The following GTF2IRD1 variants were observed in gnomAD, a reference collection of about 807,000 sequenced individuals.
GTF2IRD1 encodes the protein general transcription factor II-I repeat domain-containing protein 1.
Under a neutral mutation model 113.2 loss-of-function variants are expected in GTF2IRD1, and 26 were observed. The ratio of observed to expected loss-of-function variants is 0.23; its 90% confidence interval spans 0.17 to 0.32. The LOEUF is 0.32. Ranked by LOEUF, GTF2IRD1 falls within the 10% of genes least tolerant of loss-of-function variation. The pLI, the probability that GTF2IRD1 is intolerant of heterozygous loss-of-function variation, is 1.00. For missense variants in GTF2IRD1, 864 were observed against 1,280.8 expected (o/e 0.67, Z 4.97); for synonymous variants, 484 against 529.1 (o/e 0.91, Z 1.17).
intron 9 of GTF2IRD1, among the ~76,000 whole-genome samples, chr7:74,531,324 T>C (rs1797952327): frequency 1.3e-5 from 2 of 152,148 alleles, no homozygotes; most frequent in African/African-American, 4.8e-5. Context: ...TGAGCCAAGA[T>C]GGCACAACTG....
At chr7:74,574,221 C>G (rs1019569376) in intron 22 of GTF2IRD1, among the ~76,000 whole-genome samples, 1 of 138,708 alleles carries the variant, frequency 7.2e-6, no homozygotes, top group Non-Finnish European at 1.5e-5. Flanking sequence ...AGGCTGGTCT[C>G]GAACTCCTGA....
At chr7:74,580,173 C>T (rs1489824944) in intron 22 of GTF2IRD1, among the ~76,000 whole-genome samples, 2 of 152,036 alleles carry the variant, frequency 1.3e-5, no homozygotes, top group Admixed American at 1.3e-4. Context: ...TTTTCGAGAC[C>T]GGGTCTCACT....
intron 26 of GTF2IRD1, chr7:74,601,506 C>T (rs1802769105): frequency 1.2e-5 from 17 of 1,427,746 alleles, no homozygotes; most frequent in Non-Finnish European, 1.6e-5. Context: ...GGTGCAGTGG[C>T]TCACGCCTGT....
At chr7:74,601,422 G>A (rs1802763905) in intron 26 of GTF2IRD1, 1 of 1,473,562 alleles carries the variant, frequency 6.8e-7, no homozygotes. Context: ...CTGGGCAGAT[G>A]GGCCGGCTGA....
chr7:74,487,553 C>T (rs1305404103), intron 1 of GTF2IRD1: 1 of 152,088 alleles, frequency 6.6e-6, no homozygotes, highest in African/African-American at 2.4e-5. Flanking sequence ...TTTTTGCAAT[C>T]TCTAGGAAAT....
In GTF2IRD1 at chr7:74,583,581, C is replaced by CGTGAACCACCATGCCCAGGCT. The variant is rs1583955206; in HGVS notation, c.2321-6270_2321-6269insGTGAACCACCATGCCCAGGCT. Among the ~76,000 whole-genome samples the CGTGAACCACCATGCCCAGGCT allele has an allele frequency of 3.3e-5, 5 of 152,012 alleles. No individual in the cohort carries two copies. The East Asian group carries it at 9.7e-4, about 29-fold the overall frequency. ...TCAGGACGCCTCCCCAAACTGCCAG[C>CGTGAACCACCATGCCCAGGCT]CCCCTCAGCCAGCCCGGCCCCACTT... On this transcript the variant is annotated intron_variant, in intron 22 of 26. Transcript: ENST00000424337.
intron 22 of GTF2IRD1, among the ~76,000 whole-genome samples, chr7:74,570,052 C>T (rs1168974464): frequency 3.3e-5 from 5 of 152,024 alleles, no homozygotes; most frequent in Admixed American, 6.6e-5. Flanking sequence ...ATTGAGGCAG[C>T]GGTTTTCAAA....
At chr7:74,561,216 G>A (rs148586154) in intron 22 of GTF2IRD1, among the ~76,000 whole-genome samples, 13 of 151,996 alleles carry the variant, frequency 8.6e-5, no homozygotes, top group African/African-American at 3.1e-4. Flanking sequence ...AGGTGTGGTG[G>A]CGCACACCTG....
At chr7:74,544,365 T>C (rs1443296478) in intron 14 of GTF2IRD1, among the ~76,000 whole-genome samples, 6 of 152,158 alleles carry the variant, frequency 3.9e-5, no homozygotes, top group Non-Finnish European at 5.9e-5. Context: ...TTTGTATTTT[T>C]AGTAGAGACA....
chr7:74,548,432 A>T (rs1554353972), intron 17 of GTF2IRD1, among the ~76,000 whole-genome samples: 1 of 151,982 alleles, frequency 6.6e-6, no homozygotes, highest in African/African-American at 2.4e-5. Flanking sequence ...AAAAAAAAAA[A>T]AAAGTCCCTT....
chr7:74,490,861 G>C (rs1554336541), intron 1 of GTF2IRD1, among the ~76,000 whole-genome samples: 1 of 152,156 alleles, frequency 6.6e-6, no homozygotes, highest in East Asian at 1.9e-4. Flanking sequence ...ACCCAGGCCT[G>C]AGCTTTGCAG....
intron 1 of GTF2IRD1, among the ~76,000 whole-genome samples, chr7:74,463,693 C>G (rs1217227906): frequency 2.0e-5 from 3 of 151,404 alleles, no homozygotes; most frequent in Non-Finnish European, 4.4e-5. Flanking sequence ...CCTCCTGTGC[C>G]CCTTTGGGCC....
In GTF2IRD1 at chr7:74,512,754, CCA is replaced by C; in HGVS notation, c.124-74_124-73del. The C allele has an allele frequency of 7.0e-7, 1 of 1,434,082 alleles. No homozygotes were observed. The highest frequency in any genetic ancestry group is 1.4e-5 in the African/African-American group (1 of 71,644). The allele number at this position is 1,434,082 out of a possible 1,614,324, so 88.8% of individuals were successfully genotyped here. Reference sequence around the variant, plus strand: ...TCTCAGGCAGCTGGGAGCTCACATCCCACCCCCGAAGTGGATACTAGAGGTGT... The same window carrying C: ...TCTCAGGCAGCTGGGAGCTCACATCCCCCCCGAAGTGGATACTAGAGGTGT... On this transcript the variant is annotated intron_variant, in intron 2 of 26. Transcript: ENST00000424337. This position sits in a 1 kb window ranked among gnomAD's most constrained non-coding sequence, Gnocchi z 4.4.
chr7:74,540,032 G>T, intron 14 of GTF2IRD1, 64 bp downstream of exon 14: 1 of 1,209,982 alleles, frequency 8.3e-7, no homozygotes, highest in Non-Finnish European at 1.2e-6. Context: ...AAGGGAAAGG[G>T]GTGGGCCAGG....
chr7:74,469,336 A>T (rs1414555950), intron 1 of GTF2IRD1, among the ~76,000 whole-genome samples: 1 of 151,742 alleles, frequency 6.6e-6, no homozygotes, highest in Non-Finnish European at 1.5e-5. Flanking sequence ...GTTTTTTTTA[A>T]AATATATTCA....
rs118121349 is a variant in GTF2IRD1, at chr7:74,538,572, G to A, written c.1448-108G>A. ...AGGGGGCTGACATGACTTGTCCTAG[G>A]TAGGGCCTCACTAACAAGTTACAGA... On this transcript the variant is annotated intron_variant, in intron 12 of 26. Transcript: ENST00000424337. The A allele has an allele frequency of 5.8e-3, 4,689 of 808,120 alleles. 24 individuals are homozygous for A. The highest frequency in any genetic ancestry group is 7.1e-3 in the Non-Finnish European group (3,183 of 447,736). 50.1% of individuals were successfully genotyped at this position (808,120 alleles called of 1,614,324 possible).
At chr7:74,552,595 A>AT in intron 17 of GTF2IRD1, among the ~76,000 whole-genome samples, 1 of 152,146 alleles carries the variant, frequency 6.6e-6, no homozygotes, top group Non-Finnish European at 1.5e-5. Context: ...ATTTTATTTT[A>AT]TTTTTTAAAA....
intron 1 of GTF2IRD1, among the ~76,000 whole-genome samples, chr7:74,456,878 C>T (rs1418880654): frequency 6.6e-6 from 1 of 152,100 alleles, no homozygotes; most frequent in East Asian, 1.9e-4. Flanking sequence ...GAATTTGCCT[C>T]TTTTCCTCTC....
intron 1 of GTF2IRD1, among the ~76,000 whole-genome samples, chr7:74,469,425 A>G (rs1231026559): frequency 1.3e-5 from 2 of 152,100 alleles, no homozygotes; most frequent in Non-Finnish European, 2.9e-5. Context: ...TTAAGCAGTC[A>G]GCCCTCATTC....
Sources: allele counts gnomAD v4.1 joint callset (sites outside exome capture counted in the v4.1 genomes callset), GRCh38; gene constraint gnomAD v4.1.1; non-coding constraint Gnocchi (gnomAD v3.1); transcripts MANE v1.5; gene names NCBI Gene and HGNC (gene_info 2026-07-23, HGNC 2026-07-21).